The following AVEN variants were observed in gnomAD, a reference collection of about 807,000 sequenced individuals.
AVEN encodes cell death regulator Aven.
Under a neutral mutation model 38.1 loss-of-function variants are expected in AVEN, and 41 were observed. The ratio of observed to expected loss-of-function variants is 1.08; its 90% CI spans 0.84 to 1.40. The LOEUF (loss-of-function observed/expected upper bound fraction) is 1.40, where lower values mean the gene tolerates loss of function less well. Among genes scored for constraint, AVEN ranks in the 40% most tolerant of loss-of-function variants. The probability of loss-of-function intolerance (pLI) is 0.00; values close to 1 mark genes in which losing one functional copy is unlikely to be tolerated. For missense variants in AVEN, 605 were observed against 438.8 expected (o/e 1.38, Z -3.38); for synonymous variants, 206 against 171.8 (o/e 1.20, Z -1.56).
intron 2 of AVEN, among the ~76,000 whole-genome samples, chr15:33,953,317 G>A (rs1041302258): frequency 6.6e-6 from 1 of 151,838 alleles, no homozygotes; most frequent in African/African-American, 2.4e-5. Context: ...CCAAAAAAGA[G>A]CCCACATTGC....
At chr15:33,872,400 C>G (rs1891008383) in intron 3 of AVEN, among the ~76,000 whole-genome samples, 1 of 152,224 alleles carries the variant, frequency 6.6e-6, no homozygotes. Context: ...CAGACTATTA[C>G]ATCCTCCTCA....
At chr15:33,863,699 C>T (rs1889368129), downstream of AVEN, among the ~76,000 whole-genome samples, 2 of 152,134 alleles carry the variant, frequency 1.3e-5, no homozygotes, top group Admixed American at 1.3e-4. Flanking sequence ...AGATTAAATA[C>T]TTTCTAACTT....
intron 5 of AVEN, among the ~76,000 whole-genome samples, chr15:34,047,479 C>A (rs1794580912): frequency 6.6e-6 from 1 of 152,198 alleles, no homozygotes. Context: ...GGGAGCCAAG[C>A]AGCATCTTTC....
At chr15:34,031,727 A>G (rs551086011) in intron 1 of AVEN, among the ~76,000 whole-genome samples, 10 of 152,310 alleles carry the variant, frequency 6.6e-5, no homozygotes, top group African/African-American at 2.4e-4. Context: ...TGTTCTTCAC[A>G]GGAATTGCCT....
At position 34,006,512 on chromosome 15, in the gene AVEN, A is replaced by C. The variant is rs189038635; in HGVS notation, c.268-3303T>G. ...GCTGTAACACATGGCAAAAATGTAA[A>C]TCTGGGCAAAATAATTACCTTGATC... On this transcript the variant is annotated intron_variant, in intron 1 of 5. Transcript: ENST00000306730. Among the ~76,000 whole-genome samples the C allele has an allele frequency of 7.0e-4, 106 of 152,344 alleles. 3 individuals are homozygous for C. The highest frequency in any genetic ancestry group is 2.3e-3 in the African/African-American group (94 of 41,580).
chr15:34,057,570 G>T (rs1169273127), intron 5 of AVEN, among the ~76,000 whole-genome samples: 1 of 152,154 alleles, frequency 6.6e-6, no homozygotes, highest in Admixed American at 6.6e-5. Context: ...ATGAGGTAAG[G>T]ACTGTTTTTA....
At chr15:34,013,883 C>T (rs1050774837) in intron 1 of AVEN, among the ~76,000 whole-genome samples, 1 of 152,122 alleles carries the variant, frequency 6.6e-6, no homozygotes, top group Non-Finnish European at 1.5e-5. Flanking sequence ...AGACTCACGG[C>T]CTGAGATGAG....
At chr15:34,034,783 G>A (rs1899039392) in intron 1 of AVEN, among the ~76,000 whole-genome samples, 1 of 152,222 alleles carries the variant, frequency 6.6e-6, no homozygotes. Flanking sequence ...GCAGCAGGAG[G>A]AGAGGTCAAT....
chr15:33,858,173 ATCAT>A (rs1424810261), downstream of AVEN: 8 of 423,380 alleles, frequency 1.9e-5, no homozygotes, highest in Admixed American at 2.3e-4. Context: ...CAGTGGCGTC[ATCAT>A]TCATCTATTT....
intron 1 of AVEN, 70 bp downstream of exon 1, chr15:34,038,710 T>C: frequency 9.0e-7 from 1 of 1,113,418 alleles, no homozygotes; most frequent in Non-Finnish European, 1.1e-6. Context: ...TTGCGGCTCT[T>C]GACTGGCGGC....
At position 33,859,858 on chromosome 15, in the gene AVEN, C is replaced by G. The variant is rs1288253170; in HGVS notation, n.2730-764G>C. On this transcript the variant is annotated intron_variant and non_coding_transcript_variant, in intron 11 of 11. Transcript: ENST00000675287. ...CATTTACTTGTTAATTTAGCAAGAA[C>G]TAATTTAGCATCTACTATACCTGAG... The G allele has an allele frequency of 4.7e-6, 5 of 1,055,612 alleles. No individual in the cohort carries two copies. In the East Asian group the frequency reaches 1.0e-4, roughly 22 times the overall value. The allele number at this position is 1,055,612 out of a possible 1,614,324, so 65.4% of individuals were successfully genotyped here.
intron 2 of AVEN, chr15:33,972,022 C>T (rs1022196466): frequency 6.6e-6 from 1 of 152,088 alleles, no homozygotes; most frequent in Middle Eastern, 3.2e-3. Flanking sequence ...CAAGTCATAT[C>T]ACCAAGACAC....
At chr15:34,057,701 G>A (rs1900207482) in intron 5 of AVEN, among the ~76,000 whole-genome samples, 1 of 152,178 alleles carries the variant, frequency 6.6e-6, no homozygotes, top group South Asian at 2.1e-4. Flanking sequence ...GGAGGCTGAG[G>A]CAGGAGGATC....
At chr15:33,936,727 A>C (rs1894072065) in intron 2 of AVEN, among the ~76,000 whole-genome samples, 1 of 152,248 alleles carries the variant, frequency 6.6e-6, no homozygotes, top group Non-Finnish European at 1.5e-5. Context: ...AATTTTGAAG[A>C]ATAACAAATT....
At chr15:34,048,486 C>T (rs1221939723) in intron 5 of AVEN, among the ~76,000 whole-genome samples, 4 of 150,690 alleles carry the variant, frequency 2.7e-5, no homozygotes, top group African/African-American at 9.8e-5. Flanking sequence ...CCTCACTGGG[C>T]AGGACCTCCA....
chr15:34,068,556 A>G (rs1567497013), intron 2 of AVEN, among the ~76,000 whole-genome samples: 1 of 152,216 alleles, frequency 6.6e-6, no homozygotes, highest in Non-Finnish European at 1.5e-5. Context: ...CATAACCTCA[A>G]TACAAATATA....
intron 2 of AVEN, among the ~76,000 whole-genome samples, chr15:33,999,620 T>C (rs1484589165): frequency 6.6e-6 from 1 of 152,170 alleles, no homozygotes; most frequent in East Asian, 1.9e-4. Flanking sequence ...CATTTGCAAG[T>C]GCTCTCTGCT....
chr15:34,018,066 TTA>T (rs1051966821), intron 1 of AVEN, among the ~76,000 whole-genome samples: 4 of 152,250 alleles, frequency 2.6e-5, no homozygotes, highest in African/African-American at 9.6e-5. Flanking sequence ...ATTTACTATA[TTA>T]TACTTTTTAC....
intron 1 of AVEN, among the ~76,000 whole-genome samples, chr15:34,013,734 C>G (rs1416339518): frequency 1.3e-5 from 2 of 152,058 alleles, no homozygotes; most frequent in African/African-American, 4.8e-5. Flanking sequence ...AAAACATCAC[C>G]AATGGGGGAG....
Sources: allele counts gnomAD v4.1 joint callset (sites outside exome capture counted in the v4.1 genomes callset), GRCh38; gene constraint gnomAD v4.1.1; transcripts MANE v1.5; gene names NCBI Gene and HGNC (gene_info 2026-07-23, HGNC 2026-07-21).